ZNF556: variants seen among roughly 807,000 people sequenced by gnomAD.
ZNF556 encodes zinc finger protein 556.
ZNF556 carries 11 observed loss-of-function variants against 13.6 expected under a neutral mutation model. The ratio of observed to expected loss-of-function variants is 0.81; its 90% confidence interval spans 0.51 to 1.33. The LOEUF is 1.33. Among genes scored for constraint, ZNF556 ranks in the 40% most tolerant of loss-of-function variants. ZNF556 has a pLI of 0.00. For missense variants in ZNF556, 633 were observed against 566.2 expected, an observed-to-expected ratio of 1.12 and a Z score of -1.20; for synonymous variants, 229 against 207.8, an observed-to-expected ratio of 1.10 and a Z score of -0.88.
Position 2,881,704 on chromosome 19 carries a change from T to A in ZNF556, c.*3375T>A, listed in dbSNP as rs1335075522. The A allele has an allele frequency of 6.6e-6, 1 of 152,168 alleles. No individual in the cohort carries two copies. The highest frequency in any genetic ancestry group is 1.5e-5 in the Non-Finnish European group (1 of 68,040). 9.4% of individuals were successfully genotyped at this position (152,168 alleles called of 1,614,324 possible). On this transcript the variant is annotated 3_prime_UTR_variant, in exon 4 of 4. Transcript: ENST00000307635. ...GCTTCAGTAAGTGACAATCTCATCATGAATTCATTTATAGTTCCACCATGT... is the reference window on the plus strand; with the variant it reads ...GCTTCAGTAAGTGACAATCTCATCAAGAATTCATTTATAGTTCCACCATGT...
In ZNF556 at chr19:2,873,690, A is replaced by G. The variant is rs1485245918; in HGVS notation, c.130+68A>G. 2.6e-6 allele frequency: 4 copies of G among 1,555,090 alleles called. No individual in the cohort carries two copies. In the African/African-American group the frequency reaches 4.1e-5, roughly 16 times the overall value. ...ATGTTTTGTCTGGTTGCAGTGGTTCATGCCTGTATTCCCAGTGCTTTAGGA... is the reference window on the plus strand; with the variant it reads ...ATGTTTTGTCTGGTTGCAGTGGTTCGTGCCTGTATTCCCAGTGCTTTAGGA... On this transcript the variant is annotated intron_variant, in intron 2 of 3. Transcript: ENST00000307635.
chr19:2,876,897 T>C (rs1158579106), intron 3 of ZNF556, among the ~76,000 whole-genome samples: 1 of 152,080 alleles, frequency 6.6e-6, no homozygotes, highest in East Asian at 1.9e-4. Flanking sequence ...AAAAATGTTA[T>C]CCTAATATTC....
chr19:2,871,678 T>C (rs1434247396), intron 1 of ZNF556, among the ~76,000 whole-genome samples: 4 of 152,050 alleles, frequency 2.6e-5, no homozygotes. Flanking sequence ...TGGGCATGTA[T>C]AGGGACCAGC....
Position 2,876,168 on chromosome 19 carries a change from A to G in ZNF556, c.206A>G (p.Gln69Arg), listed in dbSNP as rs2087849588. The change falls in exon 3 of 4, where the codon CAG becomes CGG. Residue 69 changes from glutamine (Q) to arginine (R), a missense_variant. Transcript: ENST00000307635. The part of the protein sequence containing the change: ...DTSGEKLSLK[Q>R]KIEKFTRKNI... ...TCTGGAGAAAAATTATCCCTCAAAC[A>G]GAAAATAGAAAAGTTCACAAGAAAG... 3 of 1,613,008 alleles carry G rather than the reference A, an allele frequency of 1.9e-6. No individual in the cohort carries two copies. The East Asian group carries it at 6.7e-5, about 36-fold the overall frequency.
At chr19:2,872,735 C>T (rs2087814798) in intron 1 of ZNF556, among the ~76,000 whole-genome samples, 1 of 150,064 alleles carries the variant, frequency 6.7e-6, no homozygotes, top group African/African-American at 2.5e-5. Flanking sequence ...AGGAGAATTG[C>T]TTGAACCCGG....
intron 1 of ZNF556, among the ~76,000 whole-genome samples, chr19:2,869,722 C>T (rs1014912986): frequency 6.6e-6 from 1 of 152,178 alleles, no homozygotes; most frequent in African/African-American, 2.4e-5. Flanking sequence ...CCCAAGCTGA[C>T]ACGCCTACTT....
Position 2,882,561 on chromosome 19 carries a change from T to C in ZNF556, c.*4232T>C, listed in dbSNP as rs571338130. Reference sequence around the variant, plus strand: ...GTGTGTGTGTGTGTGTGTGTGTGTGTGTGTGAATGTGTGTGACGGAGTTTT... The same window carrying C: ...GTGTGTGTGTGTGTGTGTGTGTGTGCGTGTGAATGTGTGTGACGGAGTTTT... On this transcript the variant is annotated 3_prime_UTR_variant, in exon 4 of 4. Transcript: ENST00000307635. 1.1e-3 allele frequency: 173 copies of C among 151,992 alleles called. No individual in the cohort carries two copies. The highest frequency in any genetic ancestry group is 2.1e-3 in the Non-Finnish European group (143 of 68,496). 9.4% of individuals were successfully genotyped at this position (151,992 alleles called of 1,614,324 possible). A position where few individuals can be genotyped will look rare whatever the true frequency, so the allele number is the denominator to read the frequency against.
chr19:2,875,856 T>C (rs2087846804), intron 2 of ZNF556, among the ~76,000 whole-genome samples: 1 of 151,800 alleles, frequency 6.6e-6, no homozygotes, highest in Admixed American at 6.6e-5. Flanking sequence ...CCCAGCTACT[T>C]GGGAGGCTGA....
At position 2,877,428 on chromosome 19, in the gene ZNF556, C is replaced by T. The variant is rs34849844; in HGVS notation, c.470C>T (p.Thr157Ile). ...TGCAGTCAGTGTGGAAAACTCTTCA[C>T]CCATTCCTCATCCCTGATAAGGCAC... is the stretch of plus-strand genomic sequence containing the variant. The part of the protein sequence containing the change: ...YECSQCGKLF[T>I]HSSSLIRHKR... The change falls in exon 4 of 4, where the codon ACC becomes ATC. Residue 157 changes from threonine to isoleucine, a missense_variant. Coordinates refer to ENST00000307635, the MANE Select transcript of ZNF556 (RefSeq NM_024967.3). 27,186 of 1,614,118 alleles carry T rather than the reference C, an allele frequency of 0.017. 280 individuals carry two copies. Among genetic ancestry groups the T allele is most frequent in the Non-Finnish European group, 0.019 (22,549 of 1,180,030 alleles).
In ZNF556 at chr19:2,877,416, G is replaced by C; in HGVS notation, c.458G>C (p.Gly153Ala). The change falls in exon 4 of 4, where the codon GGA (glycine) becomes GCA (alanine). Residue 153 changes from glycine to alanine, a missense_variant. Gly to Ala is a moderately conservative substitution (Grantham distance 60). Transcript: ENST00000307635. Reference protein sequence around the residue: ...SVRRYECSQCGKLFTHSSSLI... With the variant: ...SVRRYECSQCAKLFTHSSSLI... Reference sequence around the variant, plus strand: ...AGACGGTACGAATGCAGTCAGTGTGGAAAACTCTTCACCCATTCCTCATCC... The same window carrying C: ...AGACGGTACGAATGCAGTCAGTGTGCAAAACTCTTCACCCATTCCTCATCC... 1 of 1,614,142 alleles carries C rather than the reference G, an allele frequency of 6.2e-7. No homozygotes were observed. Among genetic ancestry groups the C allele is most frequent in the Non-Finnish European group, 8.5e-7 (1 of 1,180,038 alleles).
Position 2,878,156 on chromosome 19 carries a change from G to T in ZNF556, c.1198G>T (p.Ala400Ser), listed in dbSNP as rs142775401. ...GCACACTGGGGAGAAACCTGTAAATGCAGCCAGTGTGGGAAAACCTTCAGG... is the reference window on the plus strand; with the variant it reads ...GCACACTGGGGAGAAACCTGTAAATTCAGCCAGTGTGGGAAAACCTTCAGG... ...RKHTGEKPVNAASVGKPSGGL... is the reference protein window; with the variant it reads ...RKHTGEKPVNSASVGKPSGGL... Residue 400 changes from alanine to serine, a missense_variant, in exon 4 of 4, where the codon GCA (alanine) becomes TCA (serine). By Grantham distance (99) the Ala-to-Ser change is moderately conservative. Transcript: ENST00000307635. 1.9e-6 allele frequency: 3 copies of T among 1,614,030 alleles called. No individual in the cohort carries two copies. The African/African-American group carries it at 4.0e-5, about 22-fold the overall frequency.
rs766769531 is a variant in ZNF556, at chr19:2,880,957, G to T, written c.*2628G>T. The T allele has an allele frequency of 2.1e-5, 3 of 143,296 alleles. No individual in the cohort carries two copies. The highest frequency in any genetic ancestry group is 4.5e-5 in the Non-Finnish European group (3 of 66,274). The allele number at this position is 143,296 out of a possible 1,614,324, so 8.9% of individuals were successfully genotyped here. Reference sequence around the variant, plus strand: ...GATCTTGGCTCACTGCAACCCCCCCGCCAAGGTTCAAGTGATTCTCCTACC... The same window carrying T: ...GATCTTGGCTCACTGCAACCCCCCCTCCAAGGTTCAAGTGATTCTCCTACC... On this transcript the variant is annotated 3_prime_UTR_variant, in exon 4 of 4. Coordinates refer to ENST00000307635, the MANE Select transcript of ZNF556 (RefSeq NM_024967.3).
At position 2,867,403 on chromosome 19, in the gene ZNF556, G is replaced by C; in HGVS notation, c.-19G>C. 1 of 1,582,200 alleles carries C rather than the reference G, an allele frequency of 6.3e-7. No homozygotes were observed. Among genetic ancestry groups the C allele is most frequent in the Non-Finnish European group, 8.6e-7 (1 of 1,165,332 alleles). ...CGAGGAGCAGGGAGCTCCTCAAAGA[G>C]CTCAGGAACGGACAGGACATGGTGA... On this transcript the variant is annotated 5_prime_UTR_variant, in exon 1 of 4. Transcript: ENST00000307635.
chr19:2,871,402 A>G (rs922176576), intron 1 of ZNF556, among the ~76,000 whole-genome samples: 10 of 152,212 alleles, frequency 6.6e-5, no homozygotes, highest in Admixed American at 6.5e-4. Flanking sequence ...GCTGAGGGAC[A>G]GGGGAAGTGG....
chr19:2,877,161 G>A, intron 3 of ZNF556, 112 bp from the exon 4 acceptor site: 1 of 865,776 alleles, frequency 1.2e-6, no homozygotes, highest in South Asian at 1.9e-5. Context: ...AGTGAGCCAA[G>A]ATCATGCCAC....
In ZNF556 at chr19:2,873,526, G is replaced by A. The variant is rs760155680; in HGVS notation, c.34G>A (p.Asp12Asn). The stretch of plus-strand genomic sequence containing the variant: ...AGTGGTCTTTGAAGACGTGGTTGTG[G>A]ATTTCACGCTGGAGGAGTGGGCCTT... ...DTVVFEDVVV[D>N]FTLEEWALLN... is the part of the protein sequence containing the mutation. Residue 12 changes from aspartate (D) to asparagine (N), a missense_variant, in exon 2 of 4, where the codon GAT becomes AAT. Asp to Asn is a conservative substitution (Grantham distance 23). Transcript: ENST00000307635. 6.2e-7 allele frequency: 1 copy of A among 1,614,058 alleles called. No individual in the cohort carries two copies.
At chr19:2,872,206 G>A (rs7247973) in intron 1 of ZNF556, among the ~76,000 whole-genome samples, 16,810 of 152,058 alleles carry the variant, frequency 0.11, 1,050 homozygotes, top group African/African-American at 0.14. Context: ...AAGAGGTGGA[G>A]GAGTAGAGTC....
Position 2,873,727 on chromosome 19 carries a change from G to A in ZNF556, c.130+105G>A, listed in dbSNP as rs2087825271. ...CCAGTGCTTTAGGAGGCTAAGGCAG[G>A]AGGATCACTTGAGGCTAGGAGTTGA... On this transcript the variant is annotated intron_variant, in intron 2 of 3. Coordinates refer to ENST00000307635, the MANE Select transcript of ZNF556 (RefSeq NM_024967.3). 11 of 1,361,796 alleles carry A rather than the reference G, an allele frequency of 8.1e-6. No homozygotes were observed. In the South Asian group the frequency reaches 1.6e-4, roughly 19 times the overall value. The allele number at this position is 1,361,796 out of a possible 1,614,324, so 84.4% of individuals were successfully genotyped here.
In ZNF556 at chr19:2,877,923, A is replaced by G; in HGVS notation, c.965A>G (p.Lys322Arg). 1 of 1,614,222 alleles carries G rather than the reference A, an allele frequency of 6.2e-7. No individual in the cohort carries two copies. The highest frequency in any genetic ancestry group is 2.2e-5 in the East Asian group (1 of 44,878). ...EKPYKCGKCGKAFGWPSSLHK... is the reference protein window; with the variant it reads ...EKPYKCGKCGRAFGWPSSLHK... ...CCCTATAAGTGTGGAAAATGCGGGA[A>G]AGCATTCGGTTGGCCCTCATCCTTA... Residue 322 changes from lysine to arginine, a missense_variant, in exon 4 of 4, where the codon AAA (lysine) becomes AGA (arginine). Lys to Arg is a conservative substitution (Grantham distance 26). Coordinates refer to ENST00000307635, the MANE Select transcript of ZNF556 (RefSeq NM_024967.3).
Sources: gnomAD v4.1 joint callset for allele counts (sites outside exome capture counted in the v4.1 genomes callset) on GRCh38, gnomAD v4.1.1 for gene constraint, MANE v1.5 for transcripts, NCBI Gene and HGNC (gene_info 2026-07-23, HGNC 2026-07-21) for gene names.